IQSEC1: variants seen among roughly 807,000 people sequenced by gnomAD.
IQSEC1 encodes IQ motif and Sec7 domain ArfGEF 1.
Under a neutral mutation model 91.0 loss-of-function variants are expected in IQSEC1, and 31 were observed. The ratio of observed to expected loss-of-function variants is 0.34; its 90% confidence interval spans 0.26 to 0.46. The LOEUF (loss-of-function observed/expected upper bound fraction) is 0.46. IQSEC1 is among the 20% of genes least tolerant of loss of function. The pLI, the probability that IQSEC1 is intolerant of heterozygous loss-of-function variation, is 1.00. For synonymous variants in IQSEC1, 699 were observed against 662.6 expected (o/e 1.05, Z -0.84); for missense variants, 1,388 against 1,575.6 (o/e 0.88, Z 2.02).
At chr3:13,281,987 C>T (rs945913045) in intron 1 of IQSEC1, among the ~76,000 whole-genome samples, 4 of 152,192 alleles carry the variant, frequency 2.6e-5, no homozygotes, top group African/African-American at 9.6e-5. Context: ...GACACCGACA[C>T]TCATGGGAGG....
chr3:13,231,018 T>C (rs1440854279), intron 1 of IQSEC1, among the ~76,000 whole-genome samples: 1 of 152,244 alleles, frequency 6.6e-6, no homozygotes, highest in Non-Finnish European at 1.5e-5. Context: ...CCCCTTAAAC[T>C]TTTCATAAAG....
At chr3:13,186,802 G>A (rs777592055) in intron 1 of IQSEC1, among the ~76,000 whole-genome samples, 10 of 152,160 alleles carry the variant, frequency 6.6e-5, no homozygotes, top group South Asian at 2.1e-4. Context: ...CCCAGGCTCC[G>A]TCAGGGACTC....
chr3:13,279,681 G>C (rs1695753402), intron 1 of IQSEC1, among the ~76,000 whole-genome samples: 1 of 152,206 alleles, frequency 6.6e-6, no homozygotes, highest in African/African-American at 2.4e-5. Context: ...TCACGCCAGA[G>C]AATCTGGAGG....
chr3:13,281,969 C>T (rs990066525), intron 1 of IQSEC1, among the ~76,000 whole-genome samples: 1 of 152,166 alleles, frequency 6.6e-6, no homozygotes, highest in East Asian at 1.9e-4. Context: ...GAGGCTGCTC[C>T]GGGTTTCGAC....
chr3:13,210,233 C>G (rs765801903), intron 1 of IQSEC1, among the ~76,000 whole-genome samples: 1 of 152,094 alleles, frequency 6.6e-6, no homozygotes, highest in African/African-American at 2.4e-5. Flanking sequence ...GCTGTGGTAT[C>G]CCCCAGGCTG....
intron 7 of IQSEC1, 25 bp from the exon 8 acceptor site, chr3:12,915,158 A>T: frequency 1.2e-6 from 2 of 1,605,134 alleles, no homozygotes; most frequent in Non-Finnish European, 1.7e-6. Flanking sequence ...GAAACCAACA[A>T]AAGGGTGTTC....
chr3:13,254,786 C>T (rs1407215067), intron 1 of IQSEC1, among the ~76,000 whole-genome samples: 1 of 152,226 alleles, frequency 6.6e-6, no homozygotes, highest in East Asian at 1.9e-4. Flanking sequence ...CACAGCTCAG[C>T]TTAGAATCCT....
chr3:13,218,796 A>C (rs757913213), intron 1 of IQSEC1, among the ~76,000 whole-genome samples: 1 of 152,150 alleles, frequency 6.6e-6, no homozygotes, highest in Non-Finnish European at 1.5e-5. Context: ...GCCTGAACAG[A>C]TCCAGCTTCA....
chr3:12,914,703 C>T (rs565763971), intron 8 of IQSEC1, among the ~76,000 whole-genome samples: 263 of 152,118 alleles, frequency 1.7e-3, no homozygotes, highest in Non-Finnish European at 2.8e-3. Context: ...GGGCACACCA[C>T]AAAGCTATGG....
intron 1 of IQSEC1, among the ~76,000 whole-genome samples, chr3:12,944,475 C>T (rs991003860): frequency 1.3e-5 from 2 of 152,150 alleles, no homozygotes; most frequent in Admixed American, 6.5e-5. Context: ...CCAGAGCTCA[C>T]GCCTCTGCTC....
At chr3:13,150,608 GGGTGCCCTGGAA>G (rs1706979703) in intron 2 of IQSEC1, among the ~76,000 whole-genome samples, 2 of 152,168 alleles carry the variant, frequency 1.3e-5, no homozygotes, top group South Asian at 4.1e-4. Context: ...GAGGAACAAG[GGGTGCCCTGGAA>G]GATATTGGCT....
intron 2 of IQSEC1, among the ~76,000 whole-genome samples, chr3:13,141,502 C>G (rs2124938840): frequency 6.6e-6 from 1 of 152,110 alleles, no homozygotes; most frequent in East Asian, 1.9e-4. Flanking sequence ...AAATAGAAAG[C>G]AAAAAAGCAT....
chr3:13,079,698 T>C (rs1046630559), intron 2 of IQSEC1, among the ~76,000 whole-genome samples: 1 of 152,134 alleles, frequency 6.6e-6, no homozygotes. Flanking sequence ...ACCTGAAACC[T>C]GGAGGTTATG....
intron 2 of IQSEC1, among the ~76,000 whole-genome samples, chr3:13,104,589 G>A (rs1026471606): frequency 4.6e-5 from 7 of 152,154 alleles, no homozygotes; most frequent in Non-Finnish European, 7.3e-5. Flanking sequence ...CCCTGTGCAC[G>A]CTGGGGCCAC....
chr3:13,153,566 T>C (rs1707035582), intron 2 of IQSEC1, among the ~76,000 whole-genome samples: 1 of 152,304 alleles, frequency 6.6e-6, no homozygotes, highest in South Asian at 2.1e-4. Context: ...TATGTGTTCC[T>C]GCCACTCTGG....
intron 1 of IQSEC1, among the ~76,000 whole-genome samples, chr3:12,944,499 C>T (rs1353809287): frequency 6.6e-6 from 1 of 152,078 alleles, no homozygotes; most frequent in Non-Finnish European, 1.5e-5. Flanking sequence ...GCCTGTGCAC[C>T]TCCCTCCTGT....
intron 1 of IQSEC1, among the ~76,000 whole-genome samples, chr3:12,993,802 G>A (rs1252294505): frequency 6.6e-6 from 1 of 152,140 alleles, no homozygotes; most frequent in Non-Finnish European, 1.5e-5. Flanking sequence ...CTTGGCGGCC[G>A]CTGATCCCCA....
intron 1 of IQSEC1, among the ~76,000 whole-genome samples, chr3:13,058,636 G>A (rs1277487067): frequency 6.6e-6 from 1 of 152,194 alleles, no homozygotes; most frequent in Non-Finnish European, 1.5e-5. Flanking sequence ...CCTGGAAGGA[G>A]AACCCACCCC....
At chr3:13,280,633 C>T (rs937669168) in intron 1 of IQSEC1, among the ~76,000 whole-genome samples, 1 of 152,208 alleles carries the variant, frequency 6.6e-6, no homozygotes, top group Admixed American at 6.5e-5. Context: ...TCACTGCTCA[C>T]CCTGGGGTCC....
Sources: gnomAD v4.1 joint callset for allele counts (sites outside exome capture counted in the v4.1 genomes callset) on GRCh38, gnomAD v4.1.1 for gene constraint, MANE v1.5 for transcripts, NCBI Gene and HGNC (gene_info 2026-07-23, HGNC 2026-07-21) for gene names.